The following ZNF609 variants were observed in gnomAD, a reference collection of about 807,000 sequenced individuals.
The protein encoded by ZNF609 is zinc finger protein 609.
A neutral mutation model predicts 109.5 loss-of-function variants in ZNF609; 11 were observed. The ratio of observed to expected loss-of-function variants is 0.10; its 90% CI spans 0.06 to 0.17. The LOEUF (loss-of-function observed/expected upper bound fraction) is 0.17. Among genes scored for constraint, ZNF609 ranks in the 10% least tolerant of loss-of-function variants. ZNF609 has a pLI of 1.00. For missense variants in ZNF609, 1,559 were observed against 1,772.4 expected, an observed-to-expected ratio of 0.88 and a Z score of 2.16; for synonymous variants, 646 against 662.0, an observed-to-expected ratio of 0.98 and a Z score of 0.37.
chr15:64,549,678 TGAGA>T (rs548270106), intron 2 of ZNF609, among the ~76,000 whole-genome samples: 1 of 151,806 alleles, frequency 6.6e-6, no homozygotes, highest in Non-Finnish European at 1.5e-5. Context: ...TGTGTGTGAG[TGAGA>T]GAGAGAGGGA....
At chr15:64,517,785 ATATATTATTATTATTATTTTTAGACAC>A (rs1197734563) in intron 2 of ZNF609, among the ~76,000 whole-genome samples, 1 of 150,914 alleles carries the variant, frequency 6.6e-6, no homozygotes, top group Non-Finnish European at 1.5e-5. Context: ...AATTATACAT[ATATATTATTATTATTATTTTTAGACAC>A]TCTGTCACCC....
Position 64,547,370 on chromosome 15 carries a change from C to G in ZNF609, c.747+47204C>G, listed in dbSNP as rs554966298. Among the ~76,000 whole-genome samples the G allele has an allele frequency of 2.0e-5, 3 of 152,236 alleles. No homozygotes were observed. In the East Asian group the frequency reaches 5.8e-4, roughly 29 times the overall value. On this transcript the variant is annotated intron_variant, in intron 2 of 9. Coordinates refer to ENST00000326648, the MANE Select transcript of ZNF609 (RefSeq NM_015042.2). ...TTTTCTGGATATTTGAGAGCCTTAT[C>G]TTTGTAGGTCTCTGCATGCATGTTA...
intron 3 of ZNF609, among the ~76,000 whole-genome samples, chr15:64,644,926 G>A (rs1462770793): frequency 1.3e-5 from 2 of 151,988 alleles, no homozygotes; most frequent in Non-Finnish European, 2.9e-5. Flanking sequence ...GAGATAATGA[G>A]CTATATCTTC....
chr15:64,562,257 C>A (rs1452956204), intron 2 of ZNF609, among the ~76,000 whole-genome samples: 1 of 152,152 alleles, frequency 6.6e-6, no homozygotes, highest in Non-Finnish European at 1.5e-5. Flanking sequence ...CACTTAAATT[C>A]ACTGTAATTA....
At chr15:64,644,321 C>CA (rs1416853995) in intron 3 of ZNF609, among the ~76,000 whole-genome samples, 3 of 150,418 alleles carry the variant, frequency 2.0e-5, no homozygotes, top group South Asian at 2.1e-4. Context: ...CTCATCTCTA[C>CA]AAAAAAAAAT....
intron 2 of ZNF609, among the ~76,000 whole-genome samples, chr15:64,573,583 T>G (rs1894899793): frequency 6.6e-6 from 1 of 151,888 alleles, no homozygotes; most frequent in Admixed American, 6.6e-5. Context: ...GAGGATGGTC[T>G]TGATCTCCTG....
intron 1 of ZNF609, among the ~76,000 whole-genome samples, chr15:64,479,353 G>T (rs563332772): frequency 6.9e-6 from 1 of 145,594 alleles, no homozygotes; most frequent in Non-Finnish European, 1.5e-5. Context: ...GTGCAGTGGC[G>T]CAATCTCGGC....
chr15:64,604,932 C>T (rs186750582), intron 2 of ZNF609, among the ~76,000 whole-genome samples: 3 of 152,054 alleles, frequency 2.0e-5, no homozygotes, highest in Non-Finnish European at 2.9e-5. Context: ...CCCACCTTCA[C>T]GCCATTCTCC....
chr15:64,621,937 G>A (rs1160748515), intron 2 of ZNF609, among the ~76,000 whole-genome samples: 2 of 151,918 alleles, frequency 1.3e-5, no homozygotes, highest in Admixed American at 6.6e-5. Flanking sequence ...TGTTAGTCAG[G>A]CTGGTCTCGA....
At chr15:64,629,716 A>T (rs1476594743) in intron 3 of ZNF609, among the ~76,000 whole-genome samples, 3 of 152,188 alleles carry the variant, frequency 2.0e-5, no homozygotes, top group Non-Finnish European at 4.4e-5. Context: ...AGCTGGATAC[A>T]TTACTTCCCC....
At chr15:64,511,125 C>G (rs1332476970) in intron 2 of ZNF609, among the ~76,000 whole-genome samples, 2 of 150,584 alleles carry the variant, frequency 1.3e-5, no homozygotes, top group Non-Finnish European at 2.9e-5. Flanking sequence ...AAGTCAGGTA[C>G]TTAGTTCTGC....
At chr15:64,630,683 A>G (rs1478980744) in intron 3 of ZNF609, among the ~76,000 whole-genome samples, 4 of 150,918 alleles carry the variant, frequency 2.7e-5, no homozygotes, top group African/African-American at 4.9e-5. Context: ...AGCCAGGCTT[A>G]TCTCAGACTC....
At chr15:64,540,540 G>T (rs1423475984) in intron 2 of ZNF609, among the ~76,000 whole-genome samples, 2 of 151,816 alleles carry the variant, frequency 1.3e-5, no homozygotes, top group Non-Finnish European at 2.9e-5. Context: ...AAGTAGCTGG[G>T]ACTACAGGTG....
At chr15:64,635,295 T>G (rs187756607) in intron 3 of ZNF609, among the ~76,000 whole-genome samples, 71 of 152,330 alleles carry the variant, frequency 4.7e-4, no homozygotes, top group Non-Finnish European at 9.1e-4. Context: ...ACTTAGGAAT[T>G]TAGTTGAGTG....
At chr15:64,664,895 A>G (rs1177119993) in intron 3 of ZNF609, among the ~76,000 whole-genome samples, 2 of 152,204 alleles carry the variant, frequency 1.3e-5, no homozygotes, top group African/African-American at 4.8e-5. Context: ...AAGAATAGTA[A>G]TGAGATTCAT....
Position 64,550,585 on chromosome 15 carries a change from G to A in ZNF609, c.747+50419G>A, listed in dbSNP as rs190939472. Among the ~76,000 whole-genome samples the A allele has an allele frequency of 2.0e-5, 3 of 151,824 alleles. No homozygotes were observed. The East Asian group carries it at 5.8e-4, about 29-fold the overall frequency. On this transcript the variant is annotated intron_variant, in intron 2 of 9. Coordinates refer to ENST00000326648, the MANE Select transcript of ZNF609 (RefSeq NM_015042.2). ...TAGATGACCAGGCACAGTGACTCAT[G>A]CCTGTAATCCCAGCACTTTGGGAGG...
At chr15:64,502,266 GT>G (rs1893572683) in intron 2 of ZNF609, 1 of 152,178 alleles carries the variant, frequency 6.6e-6, no homozygotes, top group South Asian at 2.1e-4. Context: ...GGTCCTGAGG[GT>G]GCCTTTCCAT....
At chr15:64,656,963 T>C (rs559670006) in intron 3 of ZNF609, among the ~76,000 whole-genome samples, 4 of 152,234 alleles carry the variant, frequency 2.6e-5, no homozygotes, top group South Asian at 2.1e-4. Flanking sequence ...TGACGGAGTA[T>C]GGTAAGTAGT....
At chr15:64,585,044 G>C (rs1895173468) in intron 2 of ZNF609, among the ~76,000 whole-genome samples, 1 of 151,800 alleles carries the variant, frequency 6.6e-6, no homozygotes, top group Admixed American at 6.6e-5. Context: ...TCCATCCTGG[G>C]CCGGGTGTGG....
Sources: allele counts gnomAD v4.1 joint callset (sites outside exome capture counted in the v4.1 genomes callset), GRCh38; gene constraint gnomAD v4.1.1; transcripts MANE v1.5; gene names NCBI Gene and HGNC (gene_info 2026-07-23, HGNC 2026-07-21).